FLT1: variants seen among roughly 807,000 people sequenced by gnomAD.
FLT1 encodes vascular endothelial growth factor receptor 1.
In FLT1, 49 loss-of-function variants were observed where a neutral mutation model predicts 156.3. The observed-to-expected ratio is 0.31, with a 90% CI of 0.25 to 0.40. FLT1 has a LOEUF of 0.40. FLT1 is among the 10% of genes least tolerant of loss of function. FLT1 has a pLI of 1.00. For missense variants in FLT1, 1,322 were observed against 1,637.2 expected (o/e 0.81, Z 3.32); for synonymous variants, 594 against 583.8 (o/e 1.02, Z -0.25).
Position 28,303,501 on chromosome 13 carries a change from C to T in FLT1, c.3816-133G>A, listed in dbSNP as rs572569356. On this transcript the variant is annotated intron_variant, in intron 29 of 29. Coordinates refer to ENST00000282397, the MANE Select transcript of FLT1 (RefSeq NM_002019.4). ...AGTTCATGGTTTTGGAACCCCCCCC[C>T]CCTCAATTGCTGTCAGATTTCCTCT... 1.2e-5 allele frequency: 9 copies of T among 775,978 alleles called. 1 individual carries two copies. Among genetic ancestry groups the T allele is most frequent in the Middle Eastern group, 7.1e-4 (2 of 2,832 alleles). The allele number at this position is 775,978 out of a possible 1,614,324, so 48.1% of individuals were successfully genotyped here.
In FLT1 at chr13:28,389,980, A is replaced by G. The variant is rs1368413872; in HGVS notation, c.1785T>C (p.Val595=). The G allele has an allele frequency of 1.2e-6, 2 of 1,614,160 alleles. No homozygotes were observed. Among genetic ancestry groups the G allele is most frequent in the Non-Finnish European group, 1.7e-6 (2 of 1,180,020 alleles). ...TACTGTAGTGCATTGTTCTGTTATT[A>G]ACTGTCCGCAGTAAAATCCAAGTAA... ...RDVTWILLRT[V]NNRTMHYSIS... The change falls in exon 13 of 30, where the codon GTT becomes GTC. Residue 595 remains valine, a synonymous_variant. Coordinates refer to ENST00000282397, the MANE Select transcript of FLT1 (RefSeq NM_002019.4).
chr13:28,372,438 G>A (rs1873646554), intron 14 of FLT1, among the ~76,000 whole-genome samples: 1 of 150,332 alleles, frequency 6.7e-6, no homozygotes, highest in Non-Finnish European at 1.5e-5. Flanking sequence ...TTAAAAAATG[G>A]AAAAAACATT....
chr13:28,397,170 C>T lies in FLT1; in HGVS notation c.1552-102G>A, dbSNP rs1020499932. The T allele has an allele frequency of 1.5e-5, 11 of 741,386 alleles. No homozygotes were observed. The Middle Eastern group carries it at 9.3e-4, about 63-fold the overall frequency. The allele number at this position is 741,386 out of a possible 1,614,324, so 45.9% of individuals were successfully genotyped here. On this transcript the variant is annotated intron_variant, in intron 11 of 29. Transcript: ENST00000282397. ...AAATGATTCAGCTACTCCATTCATTCTGCAAAGAGAGTATTGCATAGGTGG... is the reference window on the plus strand; with the variant it reads ...AAATGATTCAGCTACTCCATTCATTTTGCAAAGAGAGTATTGCATAGGTGG...
intron 3 of FLT1, among the ~76,000 whole-genome samples, chr13:28,443,521 C>T (rs190755495): frequency 6.6e-6 from 1 of 152,244 alleles, no homozygotes; most frequent in African/African-American, 2.4e-5. Flanking sequence ...AGCACATGTA[C>T]ATATTTATGG....
In FLT1 at chr13:28,329,618, C is replaced by T. The variant is rs1269363976; in HGVS notation, c.2704G>A (p.Gly902Arg). Residue 902 changes from glycine (G) to arginine (R), a missense_variant, in exon 19 of 30, where the codon GGA (glycine) becomes AGA (arginine). Physicochemically the swap from Gly to Arg is moderately radical, Grantham distance 125. Coordinates refer to ENST00000282397, the MANE Select transcript of FLT1 (RefSeq NM_002019.4). Reference protein sequence around the residue: ...VNLLGACTKQGGPLMVIVEYC... With the variant: ...VNLLGACTKQRGPLMVIVEYC... ...CGGCCCTCCCCTTCTCCATTACCTC[C>T]TTGCTTGGTGCAGGCTCCCAGCAGG... 1 of 1,612,286 alleles carries T rather than the reference C, an allele frequency of 6.2e-7. No homozygotes were observed. Among genetic ancestry groups the T allele is most frequent in the East Asian group, 2.2e-5 (1 of 44,866 alleles).
chr13:28,311,930 CAA>C, intron 26 of FLT1, 61 bp downstream of exon 26: 2 of 1,194,290 alleles, frequency 1.7e-6, no homozygotes, highest in East Asian at 4.7e-5. Context: ...AAAAAAAAAA[CAA>C]ATAAAATGCC....
At chr13:28,388,383 G>A (rs1022786257) in intron 13 of FLT1, 33 of 1,056,862 alleles carry the variant, frequency 3.1e-5, no homozygotes, top group Non-Finnish European at 3.5e-5. Context: ...TTGAGAAGTT[G>A]TCATATTGTC....
intron 1 of FLT1, among the ~76,000 whole-genome samples, chr13:28,471,755 T>A (rs1244285935): frequency 6.6e-6 from 1 of 152,140 alleles, no homozygotes; most frequent in Non-Finnish European, 1.5e-5. Context: ...AGCCTAGAAA[T>A]CTGATTTAAA....
intron 3 of FLT1, among the ~76,000 whole-genome samples, chr13:28,466,376 C>A (rs1328932801): frequency 6.6e-6 from 1 of 151,972 alleles, no homozygotes; most frequent in Non-Finnish European, 1.5e-5. Flanking sequence ...TTGGTCAGTG[C>A]CAGTTCTCAT....
At position 28,467,565 on chromosome 13, in the gene FLT1, G is replaced by T; in HGVS notation, c.117C>A (p.Thr39=). 1 of 1,610,954 alleles carries T rather than the reference G, an allele frequency of 6.2e-7. No homozygotes were observed. Among genetic ancestry groups the T allele is most frequent in the Non-Finnish European group, 8.5e-7 (1 of 1,178,580 alleles). Reference sequence around the variant, plus strand: ...TCTGGCCTGCTTGCATGATGTGCTGGGTGCCTTTTAAACTCAGTTCAGGAT... The same window carrying T: ...TCTGGCCTGCTTGCATGATGTGCTGTGTGCCTTTTAAACTCAGTTCAGGAT... ...LKDPELSLKG[T]QHIMQAGQTL... The change falls in exon 2 of 30, where the codon ACC becomes ACA. Residue 39 remains threonine, a synonymous_variant. Coordinates refer to ENST00000282397, the MANE Select transcript of FLT1 (RefSeq NM_002019.4).
intron 14 of FLT1, among the ~76,000 whole-genome samples, chr13:28,378,033 T>C (rs1873913821): frequency 6.6e-6 from 1 of 152,070 alleles, no homozygotes; most frequent in Non-Finnish European, 1.5e-5. Flanking sequence ...TAAACTGAAG[T>C]CTTCAAGAGA....
chr13:28,452,991 T>C (rs1255654269), intron 3 of FLT1, among the ~76,000 whole-genome samples: 1 of 113,234 alleles, frequency 8.8e-6, no homozygotes, highest in African/African-American at 3.1e-5. Flanking sequence ...TGGTGCTATA[T>C]ATTTCTTCCT....
chr13:28,471,618 G>C (rs921320336), intron 1 of FLT1, among the ~76,000 whole-genome samples: 2 of 152,190 alleles, frequency 1.3e-5, no homozygotes. Context: ...GATCGTCTCA[G>C]TAGCTCAGAG....
At chr13:28,385,138 T>C in intron 13 of FLT1, 107 bp from the exon 14 acceptor site, 3 of 1,152,820 alleles carry the variant, frequency 2.6e-6, no homozygotes. Flanking sequence ...ACTCAACTAT[T>C]AGGTTTCATT....
chr13:28,486,245 GT>G (rs1881154033), intron 1 of FLT1, among the ~76,000 whole-genome samples: 1 of 152,250 alleles, frequency 6.6e-6, no homozygotes, highest in Admixed American at 6.5e-5. Flanking sequence ...CACAAGAAGT[GT>G]TCCCAGGACC....
chr13:28,337,635 A>C (rs1003838440), intron 17 of FLT1, among the ~76,000 whole-genome samples: 2 of 152,184 alleles, frequency 1.3e-5, no homozygotes, highest in African/African-American at 4.8e-5. Context: ...GCATGTGGCA[A>C]CTCTGGAAAG....
intron 18 of FLT1, 107 bp downstream of exon 18, chr13:28,333,918 A>C: frequency 2.4e-6 from 2 of 816,766 alleles, no homozygotes; most frequent in Admixed American, 3.4e-5. Flanking sequence ...ATGTGTCCAG[A>C]GCAGAAAAGC....
chr13:28,444,414 C>T (rs1397029027), intron 3 of FLT1, among the ~76,000 whole-genome samples: 1 of 152,076 alleles, frequency 6.6e-6, no homozygotes, highest in Non-Finnish European at 1.5e-5. Flanking sequence ...GCACTCCAGC[C>T]TGGGCGACAC....
At chr13:28,367,258 C>T (rs1433713660) in intron 14 of FLT1, among the ~76,000 whole-genome samples, 1 of 152,214 alleles carries the variant, frequency 6.6e-6, no homozygotes, top group Non-Finnish European at 1.5e-5. Flanking sequence ...TATGCGTTTG[C>T]TAAAGCATTA....
Sources: allele counts gnomAD v4.1 joint callset (sites outside exome capture counted in the v4.1 genomes callset), GRCh38; gene constraint gnomAD v4.1.1; transcripts MANE v1.5; gene names NCBI Gene and HGNC (gene_info 2026-07-23, HGNC 2026-07-21).